Variants in FRMPD4 observed in about 807,000 individuals in gnomAD.
FRMPD4 encodes the protein FERM and PDZ domain-containing protein 4.
FRMPD4 carries 22 observed loss-of-function variants against 94.1 expected under a neutral mutation model. The ratio of observed to expected loss-of-function variants is 0.23; its 90% CI spans 0.17 to 0.33. The LOEUF is 0.33. Ranked by LOEUF, FRMPD4 falls within the 10% of genes least tolerant of loss-of-function variation. FRMPD4 has a pLI of 1.00. For missense variants in FRMPD4, 1,111 were observed against 1,339.9 expected (o/e 0.83, Z 2.67); for synonymous variants, 631 against 548.6 (o/e 1.15, Z -2.10).
rs1366718713 is a variant in FRMPD4, at chrX:11,943,653, T to G, written c.95+65635T>G. Among the ~76,000 whole-genome samples, 3 of 111,797 alleles carry G rather than the reference T, an allele frequency of 2.7e-5. No homozygotes were observed. The South Asian group carries it at 1.1e-3, about 42-fold the overall frequency. On this transcript the variant is annotated intron_variant, in intron 3 of 18. Transcript: ENST00000640291. ...CCACCATCAGGACCTAATCATCTCT[T>G]ATTAGGTCTCACTACCCAACAATGT...
intron 1 of FRMPD4, among the ~76,000 whole-genome samples, chrX:12,281,050 C>A (rs141539700): frequency 2.7e-5 from 3 of 112,055 alleles, no homozygotes; most frequent in African/African-American, 6.5e-5. Flanking sequence ...GAAAACAAAA[C>A]CCCAAGCATT....
chrX:12,380,300 T>A (rs1162167049), intron 1 of FRMPD4, among the ~76,000 whole-genome samples: 1 of 112,215 alleles, frequency 8.9e-6, no homozygotes, highest in African/African-American at 3.2e-5. Flanking sequence ...AATATGTTAC[T>A]AGATTTTCAG....
intron 3 of FRMPD4, among the ~76,000 whole-genome samples, chrX:12,083,720 C>T (rs1433652873): frequency 8.9e-6 from 1 of 112,749 alleles, no homozygotes; most frequent in Non-Finnish European, 1.9e-5. Context: ...GGGAACCCAC[C>T]TCTTGCATCT....
At chrX:12,398,972 T>G (rs752693140) in intron 1 of FRMPD4, among the ~76,000 whole-genome samples, 1 of 111,216 alleles carries the variant, frequency 9.0e-6, no homozygotes, top group South Asian at 3.9e-4. Flanking sequence ...TTTTTTAAAT[T>G]CATGTTTCCT....
intron 2 of FRMPD4, among the ~76,000 whole-genome samples, chrX:12,518,259 G>A (rs2148265130): frequency 8.9e-6 from 1 of 112,074 alleles, no homozygotes; most frequent in African/African-American, 3.2e-5. Flanking sequence ...AGTGGCTGCT[G>A]AGAATCTGCA....
At chrX:12,522,611 T>TC (rs1201308512) in intron 2 of FRMPD4, among the ~76,000 whole-genome samples, 1 of 92,419 alleles carries the variant, frequency 1.1e-5, no homozygotes, top group Non-Finnish European at 2.2e-5. Context: ...TTTTTTTTTT[T>TC]TTTTCTTTTG....
chrX:12,048,163 T>C (rs1055167409), intron 3 of FRMPD4, among the ~76,000 whole-genome samples: 3 of 112,616 alleles, frequency 2.7e-5, no homozygotes, highest in African/African-American at 9.7e-5. Context: ...CCAGCATCTG[T>C]TGTTTTTTGA....
intron 4 of FRMPD4, among the ~76,000 whole-genome samples, chrX:12,674,458 G>A (rs188455009): frequency 5.1e-4 from 57 of 112,347 alleles, no homozygotes; most frequent in Admixed American, 2.7e-3. Flanking sequence ...AAACTACAGA[G>A]AAATTTTTAA....
chrX:12,280,343 A>G (rs1192936253), intron 1 of FRMPD4, among the ~76,000 whole-genome samples: 2 of 110,366 alleles, frequency 1.8e-5, no homozygotes, highest in Admixed American at 9.7e-5. Context: ...TAAATGTTGA[A>G]TCAGAGGTGG....
intron 4 of FRMPD4, among the ~76,000 whole-genome samples, chrX:12,621,134 A>G (rs1379094073): frequency 8.9e-6 from 1 of 111,788 alleles, no homozygotes; most frequent in Non-Finnish European, 1.9e-5. Context: ...GGAGGCTGAG[A>G]TGGGAGGATC....
chrX:12,138,574 G>C lies in FRMPD4; in HGVS notation c.-398G>C, dbSNP rs2055634039. ...GTGCGTGGGGCACGAGGGTCCGAGG[G>C]CCGGGAAGCCAGAGCAGCGCCTCTC... is the stretch of plus-strand genomic sequence containing the variant. On this transcript the variant is annotated 5_prime_UTR_variant, in exon 1 of 17. Coordinates refer to ENST00000675598, the MANE Select transcript of FRMPD4 (RefSeq NM_001368397.1). 1 of 262,491 alleles carries C rather than the reference G, an allele frequency of 3.8e-6. No individual in the cohort carries two copies. The highest frequency in any genetic ancestry group is 6.8e-6 in the Non-Finnish European group (1 of 148,108). 21.6% of individuals were successfully genotyped at this position (262,491 alleles called of 1,213,427 possible).
At chrX:12,518,729 A>G (rs972680125) in intron 2 of FRMPD4, among the ~76,000 whole-genome samples, 1 of 111,651 alleles carries the variant, frequency 9.0e-6, no homozygotes, top group Non-Finnish European at 1.9e-5. Context: ...GGAAAAAAAT[A>G]AAACATCCAA....
intron 3 of FRMPD4, among the ~76,000 whole-genome samples, chrX:11,927,748 C>T (rs2054097500): frequency 8.9e-6 from 1 of 112,034 alleles, no homozygotes; most frequent in African/African-American, 3.2e-5. Flanking sequence ...AAAATTAGCT[C>T]AAGATGGATT....
chrX:12,669,573 T>C (rs1317881390), intron 4 of FRMPD4, among the ~76,000 whole-genome samples: 1 of 112,321 alleles, frequency 8.9e-6, no homozygotes, highest in Non-Finnish European at 1.9e-5. Flanking sequence ...AATGATCGCC[T>C]GAAAAATGTC....
chrX:12,379,449 C>T (rs995165811), intron 1 of FRMPD4, among the ~76,000 whole-genome samples: 3 of 111,524 alleles, frequency 2.7e-5, no homozygotes, highest in African/African-American at 9.8e-5. Flanking sequence ...TTCCAATATA[C>T]TTATCATATA....
intron 2 of FRMPD4, among the ~76,000 whole-genome samples, chrX:12,577,248 G>A (rs763329434): frequency 1.8e-5 from 2 of 111,419 alleles, no homozygotes; most frequent in South Asian, 7.6e-4. Context: ...CTACGGTCCA[G>A]AGTAGATGAG....
intron 3 of FRMPD4, among the ~76,000 whole-genome samples, chrX:11,987,241 T>C (rs973894952): frequency 1.1e-4 from 12 of 109,919 alleles, no homozygotes; most frequent in Admixed American, 4.8e-4. Context: ...GTGGGATATA[T>C]TGTAGAGATT....
Position 12,413,717 on chromosome X carries a change from T to C in FRMPD4, c.42-84963T>C, listed in dbSNP as rs764959158. On this transcript the variant is annotated intron_variant, in intron 1 of 16. Coordinates refer to ENST00000675598, the MANE Select transcript of FRMPD4 (RefSeq NM_001368397.1). ...CAAAGAGAACGTGTTATACTGACTATTGCATTCATGACTAGGTTCCTGGAA... is the reference window on the plus strand; with the variant it reads ...CAAAGAGAACGTGTTATACTGACTACTGCATTCATGACTAGGTTCCTGGAA... 2.1e-3 allele frequency among the ~76,000 whole-genome samples: 236 copies of C among 112,082 alleles called. 2 individuals carry two copies. The Middle Eastern group carries it at 0.037, about 18-fold the overall frequency.
At chrX:12,650,895 T>C (rs1051718705) in intron 4 of FRMPD4, among the ~76,000 whole-genome samples, 22 of 112,933 alleles carry the variant, frequency 1.9e-4, no homozygotes, top group African/African-American at 7.1e-4. Context: ...TTGCAGCAAG[T>C]TGACATTCAG....
Sources: allele counts gnomAD v4.1 joint callset (sites outside exome capture counted in the v4.1 genomes callset), GRCh38; gene constraint gnomAD v4.1.1; transcripts MANE v1.5; gene names NCBI Gene and HGNC (gene_info 2026-07-23, HGNC 2026-07-21).